FSD1L: variants seen among roughly 807,000 people sequenced by gnomAD.
FSD1L encodes the protein fibronectin type III and SPRY domain containing 1 like, also known as FSD1-like protein.
FSD1L carries 45 observed loss-of-function variants against 71.6 expected under a neutral mutation model. The observed-to-expected ratio is 0.63, with a 90% CI of 0.49 to 0.81. The LOEUF is 0.81. Among genes scored for constraint, FSD1L ranks in the 30% least tolerant of loss-of-function variants. FSD1L has a pLI of 0.00. For synonymous variants in FSD1L, 197 were observed against 207.2 expected (o/e 0.95, Z 0.42); for missense variants, 561 against 618.1 (o/e 0.91, Z 0.98).
chr9:105,461,265 G>T (rs113051309), intron 1 of FSD1L, among the ~76,000 whole-genome samples: 4 of 151,906 alleles, frequency 2.6e-5, no homozygotes, highest in Non-Finnish European at 5.9e-5. Flanking sequence ...GCTTCTAGCC[G>T]TAATGTGGTT....
intron 10 of FSD1L, chr9:105,520,607 A>G: frequency 1.9e-6 from 3 of 1,557,824 alleles, no homozygotes; most frequent in Non-Finnish European, 2.7e-6. Flanking sequence ...TACTTCACAC[A>G]GGAGACTCCT....
At chr9:105,536,505 T>C (rs1054825687) in intron 12 of FSD1L, among the ~76,000 whole-genome samples, 3 of 152,228 alleles carry the variant, frequency 2.0e-5, no homozygotes, top group East Asian at 3.8e-4. Flanking sequence ...CTATTTCTAA[T>C]AGTATGACTT....
intron 7 of FSD1L, among the ~76,000 whole-genome samples, chr9:105,505,003 A>G (rs1833968069): frequency 6.6e-6 from 1 of 152,216 alleles, no homozygotes; most frequent in African/African-American, 2.4e-5. Flanking sequence ...GGTACATTTG[A>G]TATAACTGAT....
intron 5 of FSD1L, among the ~76,000 whole-genome samples, chr9:105,478,169 C>T (rs929433457): frequency 3.9e-5 from 6 of 152,216 alleles, no homozygotes; most frequent in East Asian, 1.9e-4. Flanking sequence ...GGCATGAACC[C>T]GGGAGGCAGA....
intron 7 of FSD1L, among the ~76,000 whole-genome samples, chr9:105,491,677 A>G (rs1337173704): frequency 2.6e-5 from 4 of 152,034 alleles, no homozygotes; most frequent in Non-Finnish European, 4.4e-5. Context: ...CGTCCCATCA[A>G]TACCTAATTT....
chr9:105,456,221 A>G (rs562808171), intron 1 of FSD1L, among the ~76,000 whole-genome samples: 15 of 152,308 alleles, frequency 9.8e-5, no homozygotes, highest in African/African-American at 3.1e-4. Flanking sequence ...CTTTAAGAGC[A>G]TAGACTTAGG....
At chr9:105,536,916 C>T (rs1367097912) in intron 12 of FSD1L, among the ~76,000 whole-genome samples, 1 of 152,188 alleles carries the variant, frequency 6.6e-6, no homozygotes, top group East Asian at 1.9e-4. Flanking sequence ...GGATTACTGC[C>T]ATGAGCCACC....
intron 10 of FSD1L, chr9:105,522,525 G>T: frequency 6.2e-7 from 1 of 1,613,750 alleles, no homozygotes; most frequent in South Asian, 1.1e-5. Context: ...TGTCGATATT[G>T]ATGATGCTCA....
At chr9:105,537,069 T>C (rs2131502448) in intron 12 of FSD1L, among the ~76,000 whole-genome samples, 1 of 152,358 alleles carries the variant, frequency 6.6e-6, no homozygotes, top group Admixed American at 6.5e-5. Flanking sequence ...AAAATTTACT[T>C]GATATTTATA....
At chr9:105,525,718 T>C (rs1835465978) in intron 10 of FSD1L, 2 of 1,605,240 alleles carry the variant, frequency 1.2e-6, no homozygotes, top group South Asian at 2.2e-5. Context: ...AGACAAACAC[T>C]CCATTCTCAC....
chr9:105,543,917 G>A (rs1260388324), intron 13 of FSD1L, among the ~76,000 whole-genome samples: 1 of 152,200 alleles, frequency 6.6e-6, no homozygotes, highest in Non-Finnish European at 1.5e-5. Flanking sequence ...CTTTATAGCA[G>A]CATGACTTAT....
At chr9:105,477,637 G>A (rs181130762) in intron 5 of FSD1L, among the ~76,000 whole-genome samples, 2 of 152,340 alleles carry the variant, frequency 1.3e-5, no homozygotes. Flanking sequence ...ATCAGGTACA[G>A]AGAAGAGTCC....
rs1355839675 is a variant in FSD1L at position 105,468,284 on chromosome 9, G to C, written c.299G>C (p.Cys100Ser). 6.7e-6 allele frequency: 10 copies of C among 1,491,618 alleles called. No homozygotes were observed. The highest frequency in any genetic ancestry group is 8.0e-6 in the Non-Finnish European group (9 of 1,126,294). The allele number at this position is 1,491,618 out of a possible 1,614,324, so 92.4% of individuals were successfully genotyped here. Residue 100 changes from cysteine (C) to serine (S), a missense_variant, in exon 4 of 14, where the codon TGT (cysteine) becomes TCT (serine). Cys to Ser is a moderately radical substitution (Grantham distance 112). Coordinates refer to ENST00000481272, the MANE Select transcript of FSD1L (RefSeq NM_001145313.3). ...GAAGTAAAAGAAAGTATGATTAACT[G>C]TATCAAGCAGGAACAAGCTCGTAAA... ...LDEVKESMIN[C>S]IKQEQARKSQ...
intron 1 of FSD1L, 54 bp from the exon 2 acceptor site, chr9:105,461,466 C>A: frequency 1.3e-6 from 1 of 793,248 alleles, no homozygotes; most frequent in South Asian, 2.7e-5. Flanking sequence ...CCTGTTTTTC[C>A]TTTACTTTTT....
chr9:105,496,695 A>G (rs1461052633), intron 7 of FSD1L, among the ~76,000 whole-genome samples: 1 of 152,150 alleles, frequency 6.6e-6, no homozygotes, highest in Non-Finnish European at 1.5e-5. Flanking sequence ...TCACTTGTTC[A>G]TTTCTGGTAT....
intron 10 of FSD1L, chr9:105,521,342 C>T (rs576255355): frequency 1.7e-5 from 28 of 1,614,004 alleles, no homozygotes; most frequent in South Asian, 6.6e-5. Context: ...CTACAGAACC[C>T]GAACAGTCTC....
chr9:105,513,019 T>C, intron 10 of FSD1L, 83 bp downstream of exon 10: 3 of 1,151,334 alleles, frequency 2.6e-6, no homozygotes, highest in Non-Finnish European at 3.5e-6. Context: ...TTGAAATTCT[T>C]AGTCAATATA....
At chr9:105,532,569 C>T (rs1172495550) in intron 10 of FSD1L, among the ~76,000 whole-genome samples, 2 of 151,896 alleles carry the variant, frequency 1.3e-5, no homozygotes, top group African/African-American at 4.8e-5. Context: ...GGAATTTTCC[C>T]CCCTCACGTT....
chr9:105,548,755 C>T lies in FSD1L; in HGVS notation c.*2272C>T, dbSNP rs1055796650. 1 of 152,000 alleles carries T rather than the reference C, an allele frequency of 6.6e-6. No homozygotes were observed. Among genetic ancestry groups the T allele is most frequent in the Non-Finnish European group, 1.5e-5 (1 of 67,926 alleles). 9.4% of individuals were successfully genotyped at this position (152,000 alleles called of 1,614,324 possible). On this transcript the variant is annotated 3_prime_UTR_variant, in exon 14 of 14. Coordinates refer to ENST00000481272, the MANE Select transcript of FSD1L (RefSeq NM_001145313.3). ...GTTCAGTAAATCCAGTCCAAATTCT[C>T]ATCACATGTATTATTTGATACTAAA...
Sources: allele counts gnomAD v4.1 joint callset (sites outside exome capture counted in the v4.1 genomes callset), GRCh38; gene constraint gnomAD v4.1.1; transcripts MANE v1.5; gene names NCBI Gene and HGNC (gene_info 2026-07-23, HGNC 2026-07-21).